PADI2: variants seen among roughly 807,000 people sequenced by gnomAD.
PADI2 encodes the protein peptidyl arginine deiminase 2.
PADI2 carries 70 observed loss-of-function variants against 81.1 expected under a neutral mutation model. The ratio of observed to expected loss-of-function variants is 0.86; its 90% CI spans 0.71 to 1.05. The LOEUF (loss-of-function observed/expected upper bound fraction) is 1.05. PADI2 is among the 50% of genes least tolerant of loss of function. PADI2 has a pLI of 0.00. For missense variants in PADI2, 853 were observed against 889.9 expected (o/e 0.96, Z 0.53); for synonymous variants, 338 against 358.0 (o/e 0.94, Z 0.63).
intron 3 of PADI2, among the ~76,000 whole-genome samples, chr1:17,099,170 G>A (rs1267858381): frequency 1.3e-5 from 2 of 152,218 alleles, no homozygotes; most frequent in Non-Finnish European, 2.9e-5. Context: ...AGGGTCGCCA[G>A]AGAGTGGCAG....
At chr1:17,116,336 C>T (rs906220025) in intron 1 of PADI2, among the ~76,000 whole-genome samples, 5 of 152,110 alleles carry the variant, frequency 3.3e-5, no homozygotes, top group Admixed American at 6.6e-5. Context: ...GTGCTGAGGC[C>T]GTTTCGCTCA....
chr1:17,071,309 C>G, intron 14 of PADI2, 97 bp downstream of exon 14: 1 of 860,522 alleles, frequency 1.2e-6, no homozygotes, highest in Non-Finnish European at 1.9e-6. Flanking sequence ...AGCTCCTGAG[C>G]CCTTGGCCAT....
intron 7 of PADI2, among the ~76,000 whole-genome samples, chr1:17,085,177 G>A (rs115951818): frequency 0.01 from 1,538 of 152,270 alleles, 26 homozygotes; most frequent in African/African-American, 0.035. Flanking sequence ...GGGCATTTTC[G>A]CGTTGTTTTG....
In PADI2 at chr1:17,105,073, G is replaced by A. The variant is rs1931317506; in HGVS notation, c.93-12C>T. The A allele has an allele frequency of 1.9e-6, 3 of 1,544,828 alleles. No individual in the cohort carries two copies. Among genetic ancestry groups the A allele is most frequent in the African/African-American group, 1.4e-5 (1 of 73,484 alleles). ...CGGCTGGGGCCGCGCTGTGGGGAGA[G>A]ATGAGAGAGGGTTAGGGAGAGCCCT... On this transcript the variant is annotated splice_polypyrimidine_tract_variant and intron_variant, in intron 1 of 15. Transcript: ENST00000375486.
chr1:17,096,314 A>G (rs1050433898), intron 3 of PADI2, among the ~76,000 whole-genome samples: 1 of 152,226 alleles, frequency 6.6e-6, no homozygotes, highest in Non-Finnish European at 1.5e-5. Context: ...CGCATGCCCA[A>G]GATCACATAG....
intron 2 of PADI2, among the ~76,000 whole-genome samples, chr1:17,103,708 T>G (rs1931233804): frequency 6.6e-6 from 1 of 151,962 alleles, no homozygotes; most frequent in Non-Finnish European, 1.5e-5. Flanking sequence ...ATGCGGCTAT[T>G]CTGAACGGAG....
At chr1:17,082,785 T>A in intron 9 of PADI2, 133 bp from the exon 10 acceptor site, 1 of 606,768 alleles carries the variant, frequency 1.6e-6, no homozygotes, top group Non-Finnish European at 2.9e-6. Context: ...TGGTCCCCCA[T>A]CCTCCTCCCC....
At chr1:17,108,966 A>G (rs923540317) in intron 1 of PADI2, among the ~76,000 whole-genome samples, 1 of 152,214 alleles carries the variant, frequency 6.6e-6, no homozygotes, top group African/African-American at 2.4e-5. Flanking sequence ...GCCTTGGGCC[A>G]GGGACTTTCC....
intron 11 of PADI2, among the ~76,000 whole-genome samples, chr1:17,076,417 G>T (rs1017830329): frequency 3.9e-5 from 6 of 152,202 alleles, no homozygotes; most frequent in Admixed American, 3.3e-4. Flanking sequence ...GTTTCACCAT[G>T]TTGGCCAAGC....
At chr1:17,076,015 G>A (rs1316194978) in intron 11 of PADI2, among the ~76,000 whole-genome samples, 192 bp from the exon 12 acceptor site, 1 of 152,134 alleles carries the variant, frequency 6.6e-6, no homozygotes, top group African/African-American at 2.4e-5. Flanking sequence ...GGAAAGAGTA[G>A]GTGTGAGTTG....
Position 17,115,663 on chromosome 1 carries a change from T to G in PADI2, c.92+3617A>C, listed in dbSNP as rs1379681855. Among the ~76,000 whole-genome samples, 2 of 152,130 alleles carry G rather than the reference T, an allele frequency of 1.3e-5. No homozygotes were observed. The highest frequency in any genetic ancestry group is 4.8e-5 in the African/African-American group (2 of 41,410). ...ACCTAGGGACTCCCTCTGTGCTCTC[T>G]TTCCAACTTCAAGCCCAAATCAGAT... On this transcript the variant is annotated intron_variant, in intron 1 of 15. Coordinates refer to ENST00000375486, the MANE Select transcript of PADI2 (RefSeq NM_007365.3). This position sits in a 1 kb window ranked among gnomAD's most constrained non-coding sequence, Gnocchi z 4.1.
chr1:17,104,969 G>A lies in PADI2; in HGVS notation c.185C>T (p.Ala62Val). Residue 62 changes from alanine to valine, a missense_variant, in exon 2 of 16, where the codon GCC (alanine) becomes GTC (valine). Physicochemically the swap from Ala to Val is moderately conservative, Grantham distance 64 (BLOSUM62 0). Transcript: ENST00000375486. ...AAGCCAGCGCTGCTTGCCATTGGTG[G>A]CCACCTCCTCAGCCTCCCCATCACG... Reference protein sequence around the residue: ...VVRDGEAEEVATNGKQRWLLS... With the variant: ...VVRDGEAEEVVTNGKQRWLLS... The A allele has an allele frequency of 6.2e-7, 1 of 1,609,836 alleles. No homozygotes were observed.
intron 2 of PADI2, among the ~76,000 whole-genome samples, chr1:17,104,245 G>C (rs569950777): frequency 6.6e-6 from 1 of 151,240 alleles, no homozygotes; most frequent in African/African-American, 2.4e-5. Context: ...AGCCGAGATC[G>C]CATCACTGCA....
chr1:17,115,666 C>A lies in PADI2; in HGVS notation c.92+3614G>T, dbSNP rs1428392477. On this transcript the variant is annotated intron_variant, in intron 1 of 15. Coordinates refer to ENST00000375486, the MANE Select transcript of PADI2 (RefSeq NM_007365.3). The surrounding 1 kb of genome is among the most constrained non-coding windows in gnomAD (Gnocchi z 4.1). Reference sequence around the variant, plus strand: ...TAGGGACTCCCTCTGTGCTCTCTTTCCAACTTCAAGCCCAAATCAGATGGG... The same window carrying A: ...TAGGGACTCCCTCTGTGCTCTCTTTACAACTTCAAGCCCAAATCAGATGGG... 6.6e-6 allele frequency among the ~76,000 whole-genome samples: 1 copy of A among 152,148 alleles called. No homozygotes were observed. The highest frequency in any genetic ancestry group is 1.5e-5 in the Non-Finnish European group (1 of 68,032).
chr1:17,118,880 G>A (rs565433091), intron 1 of PADI2, among the ~76,000 whole-genome samples: 211 of 152,308 alleles, frequency 1.4e-3, no homozygotes, highest in Admixed American at 4.1e-3. Flanking sequence ...TGGGAAGCAG[G>A]AGAGGGGCTG....
chr1:17,112,729 C>T (rs1330591409), intron 1 of PADI2, among the ~76,000 whole-genome samples: 1 of 152,218 alleles, frequency 6.6e-6, no homozygotes, highest in African/African-American at 2.4e-5. Context: ...CAGCTTCCCT[C>T]ACCACCTGGT....
intron 14 of PADI2, among the ~76,000 whole-genome samples, chr1:17,070,485 G>C (rs530644815): frequency 6.6e-6 from 1 of 152,334 alleles, no homozygotes; most frequent in African/African-American, 2.4e-5. Context: ...CCTGTGCTAA[G>C]TGCTTCCCAC....
In PADI2 at chr1:17,075,716, T is replaced by A. The variant is rs1244868580; in HGVS notation, c.1418A>T (p.Asp473Val). Reference protein sequence around the residue: ...YSDWLTVGHVDEFMSFVPIPG... With the variant: ...YSDWLTVGHVVEFMSFVPIPG... The stretch of plus-strand genomic sequence containing the variant: ...GATGGGGACAAAGGACATGAACTCA[T>A]CCACGTGGCCCACAGTCAGCCAGTC... Residue 473 changes from aspartate (D) to valine (V), a missense_variant, in exon 12 of 16, where the codon GAT becomes GTT. Transcript: ENST00000375486. 1 of 1,614,030 alleles carries A rather than the reference T, an allele frequency of 6.2e-7. No homozygotes were observed. The highest frequency in any genetic ancestry group is 1.1e-5 in the South Asian group (1 of 91,076).
rs747394078 is a variant in PADI2 at position 17,079,280 on chromosome 1, C to T, written c.1294G>A (p.Gly432Arg). The T allele has an allele frequency of 5.8e-5, 94 of 1,613,648 alleles. No individual in the cohort carries two copies. Among genetic ancestry groups the T allele is most frequent in the South Asian group, 2.0e-4 (18 of 91,054 alleles). ...TTCTCTTACAGAGGAAAGCTGCTCC[C>T]GATGAGGATGCGGCCAAGCGGGTAT... ...KTYPLGRILIGSSFPLSGGRR... is the reference protein window; with the variant it reads ...KTYPLGRILIRSSFPLSGGRR... Residue 432 changes from glycine to arginine, a missense_variant, in exon 11 of 16, where the codon GGG becomes AGG. Physicochemically the swap from Gly to Arg is moderately radical, Grantham distance 125. Transcript: ENST00000375486.
Sources: allele counts gnomAD v4.1 joint callset (sites outside exome capture counted in the v4.1 genomes callset), GRCh38; gene constraint gnomAD v4.1.1; non-coding constraint Gnocchi (gnomAD v3.1); transcripts MANE v1.5; gene names NCBI Gene and HGNC (gene_info 2026-07-23, HGNC 2026-07-21).